Variants in NIPBL observed in about 807,000 individuals in gnomAD.
The protein encoded by NIPBL is nipped-B-like protein.
A neutral mutation model predicts 321.8 loss-of-function variants in NIPBL; 19 were observed. The ratio of observed to expected loss-of-function variants is 0.06; its 90% confidence interval spans 0.04 to 0.09. The LOEUF (loss-of-function observed/expected upper bound fraction) is 0.09, where lower values mean the gene tolerates loss of function less well. Among genes scored for constraint, NIPBL ranks in the 10% least tolerant of loss-of-function variants. The pLI is 1.00. For missense variants in NIPBL, 2,210 were observed against 3,327.0 expected, an observed-to-expected ratio of 0.66 and a Z score of 8.26; for synonymous variants, 1,106 against 1,114.1, an observed-to-expected ratio of 0.99 and a Z score of 0.14.
At chr5:36,911,162 A>G (rs993512090) in intron 1 of NIPBL, among the ~76,000 whole-genome samples, 5 of 152,150 alleles carry the variant, frequency 3.3e-5, no homozygotes, top group Admixed American at 1.3e-4. Flanking sequence ...CATATGGAGG[A>G]TGTAGTAGGG....
rs1009384007 is a variant in NIPBL, at chr5:37,052,667, A to G, written c.7263+101A>G. 31 of 858,606 alleles carry G rather than the reference A, an allele frequency of 3.6e-5. No homozygotes were observed. The East Asian group carries it at 6.4e-4, about 18-fold the overall frequency. 53.2% of individuals were successfully genotyped at this position (858,606 alleles called of 1,614,324 possible). A position where few individuals can be genotyped will look rare whatever the true frequency, so the allele number is the denominator to read the frequency against. On this transcript the variant is annotated intron_variant, in intron 42 of 46. Coordinates refer to ENST00000282516, the MANE Select transcript of NIPBL (RefSeq NM_133433.4). ...TATTACCATTTTATTAGTATATGAT[A>G]GTAACTTCATTAAGTGTTTTCTTAA...
chr5:36,893,882 G>A (rs1292930535), intron 1 of NIPBL, among the ~76,000 whole-genome samples: 1 of 152,170 alleles, frequency 6.6e-6, no homozygotes, highest in Non-Finnish European at 1.5e-5. Context: ...GTAGGAGATA[G>A]TGTAAATGAA....
rs565214094 is a variant in NIPBL, at chr5:37,030,891, A to G, written c.5862+3479A>G. On this transcript the variant is annotated intron_variant, in intron 32 of 46. Transcript: ENST00000282516. ...TTCCTCAGCCTCCCAAGTAGCTGGA[A>G]CCACAGGCATGCACCACCATGTTTA... Among the ~76,000 whole-genome samples the G allele has an allele frequency of 2.0e-5, 3 of 146,630 alleles. No homozygotes were observed. The South Asian group carries it at 6.5e-4, about 32-fold the overall frequency.
intron 40 of NIPBL, among the ~76,000 whole-genome samples, chr5:37,050,087 T>G (rs990430786): frequency 4.6e-5 from 7 of 152,178 alleles, no homozygotes; most frequent in African/African-American, 1.7e-4. Context: ...AGTAGTACAT[T>G]GAGACTGTCA....
intron 1 of NIPBL, among the ~76,000 whole-genome samples, chr5:36,886,885 T>C (rs1265300132): frequency 1.3e-5 from 2 of 152,118 alleles, no homozygotes; most frequent in Non-Finnish European, 2.9e-5. Context: ...TGTCTTTTTT[T>C]TAAATTTAGC....
chr5:36,890,929 A>G (rs1463464595), intron 1 of NIPBL, among the ~76,000 whole-genome samples: 54 of 152,186 alleles, frequency 3.5e-4, no homozygotes, highest in Admixed American at 3.5e-3. Context: ...AGTGATTCCT[A>G]TGTCTTTTCT....
In NIPBL at chr5:37,044,733, A is replaced by G. The variant is rs1344872907; in HGVS notation, c.6343+4A>G. ...GCTTGTTTCAATAGATACTATGGTA[A>G]GTTCAATACCAGGGTTTTAAAATTA... On this transcript the variant is annotated splice_donor_region_variant and intron_variant, in intron 36 of 46. Transcript: ENST00000282516. The G allele has an allele frequency of 1.2e-5, 19 of 1,596,394 alleles. No homozygotes were observed. The highest frequency in any genetic ancestry group is 1.6e-5 in the Non-Finnish European group (19 of 1,163,960).
At chr5:37,046,083 A>G (rs1338739455) in intron 37 of NIPBL, 26 bp from the exon 38 acceptor site, 4 of 1,139,960 alleles carry the variant, frequency 3.5e-6, no homozygotes, top group Non-Finnish European at 5.3e-6. Flanking sequence ...GTTCATGAAC[A>G]CTTTAATGTG....
chr5:36,960,986 A>G (rs1167587664), intron 4 of NIPBL, among the ~76,000 whole-genome samples: 1 of 152,182 alleles, frequency 6.6e-6, no homozygotes, highest in Non-Finnish European at 1.5e-5. Flanking sequence ...TGGAAATTGC[A>G]GGAATTCAAA....
In NIPBL at chr5:36,962,288, T is replaced by G. The variant is rs1741709518; in HGVS notation, c.610+14T>G. 4 of 1,613,966 alleles carry G rather than the reference T, an allele frequency of 2.5e-6. No homozygotes were observed. The highest frequency in any genetic ancestry group is 3.4e-6 in the Non-Finnish European group (4 of 1,179,862). ...AGATGCAACAAGGTAAGAAAGTTGT[T>G]TGTAACTTCACTGGGAATGTCTAAG... On this transcript the variant is annotated intron_variant, in intron 6 of 46. Coordinates refer to ENST00000282516, the MANE Select transcript of NIPBL (RefSeq NM_133433.4).
chr5:36,905,392 G>A (rs1747554858), intron 1 of NIPBL, among the ~76,000 whole-genome samples: 1 of 152,164 alleles, frequency 6.6e-6, no homozygotes, highest in Non-Finnish European at 1.5e-5. Flanking sequence ...TTGGGATTGA[G>A]CAGAAAACAC....
At chr5:36,972,143 T>A in intron 8 of NIPBL, 102 bp downstream of exon 8, 1 of 792,776 alleles carries the variant, frequency 1.3e-6, no homozygotes, top group South Asian at 1.6e-5. Context: ...TTCTGTATTT[T>A]TTTTTCATTG....
intron 1 of NIPBL, among the ~76,000 whole-genome samples, chr5:36,894,837 T>C (rs1457334811): frequency 6.6e-6 from 1 of 152,216 alleles, no homozygotes; most frequent in Non-Finnish European, 1.5e-5. Flanking sequence ...TTTATTTTGT[T>C]TTATTTTTAC....
At chr5:36,920,625 A>G (rs539017964) in intron 1 of NIPBL, among the ~76,000 whole-genome samples, 1 of 152,270 alleles carries the variant, frequency 6.6e-6, no homozygotes, top group South Asian at 2.1e-4. Context: ...GTGGCATATT[A>G]TGTTCTTTGC....
intron 45 of NIPBL, among the ~76,000 whole-genome samples, chr5:37,062,546 T>G (rs1404570143): frequency 6.9e-6 from 1 of 145,620 alleles, no homozygotes; most frequent in Non-Finnish European, 1.5e-5. Context: ...TTCCAGTGAT[T>G]AAAAAAAAAA....
chr5:36,937,318 A>C (rs1310093535), intron 1 of NIPBL, among the ~76,000 whole-genome samples: 1 of 152,138 alleles, frequency 6.6e-6, no homozygotes, highest in African/African-American at 2.4e-5. Flanking sequence ...GCTCTTAATG[A>C]CCTTCAGCCA....
At chr5:36,905,861 A>G (rs1747593533) in intron 1 of NIPBL, among the ~76,000 whole-genome samples, 1 of 151,846 alleles carries the variant, frequency 6.6e-6, no homozygotes, top group South Asian at 2.1e-4. Flanking sequence ...CTCCTGCCTC[A>G]GCCTCCCAAG....
intron 31 of NIPBL, 113 bp from the exon 32 acceptor site, chr5:37,027,246 A>C: frequency 1.2e-6 from 1 of 824,988 alleles, no homozygotes; most frequent in South Asian, 1.5e-5. Context: ...CTTTAAAAAT[A>C]AACTTTTGAA....
At chr5:37,015,500 C>T (rs1374090495) in intron 22 of NIPBL, among the ~76,000 whole-genome samples, 1 of 152,080 alleles carries the variant, frequency 6.6e-6, no homozygotes, top group Admixed American at 6.5e-5. Flanking sequence ...TTTGGAAGAC[C>T]AAGGCAGGTG....
Sources: gnomAD v4.1 joint callset for allele counts (sites outside exome capture counted in the v4.1 genomes callset) on GRCh38, gnomAD v4.1.1 for gene constraint, MANE v1.5 for transcripts, NCBI Gene and HGNC (gene_info 2026-07-23, HGNC 2026-07-21) for gene names.